AMZ1: variants seen among roughly 807,000 people sequenced by gnomAD.
AMZ1 encodes the protein archaemetzincin-1.
Under a neutral mutation model 29.9 loss-of-function variants are expected in AMZ1, and 39 were observed. The observed-to-expected ratio is 1.30, with a 90% CI of 1.01 to 1.70. The LOEUF (loss-of-function observed/expected upper bound fraction) is 1.70. Among genes scored for constraint, AMZ1 ranks in the 40% most tolerant of loss-of-function variants. The pLI, the probability that AMZ1 is intolerant of heterozygous loss-of-function variation, is 0.00. For missense variants in AMZ1, 1,041 were observed against 680.6 expected, an observed-to-expected ratio of 1.53 and a Z score of -5.89; for synonymous variants, 458 against 304.0, an observed-to-expected ratio of 1.51 and a Z score of -5.27.
chr7:2,709,891 C>T (rs1005566246), intron 6 of AMZ1, 75 bp downstream of exon 6: 27 of 1,567,206 alleles, frequency 1.7e-5, no homozygotes, highest in East Asian at 1.2e-4. Context: ...CTGGAGGCTA[C>T]GCAGGGCATG....
chr7:2,761,941 T>A (rs549843313), upstream of AMZ1, among the ~76,000 whole-genome samples: 257 of 152,162 alleles, frequency 1.7e-3, 1 homozygote, highest in Non-Finnish European at 3.0e-3. Flanking sequence ...AAGGGAAAAA[T>A]GTGGAGTGTC....
chr7:2,724,684 T>C (rs1002984789), intron 4 of AMZ1, among the ~76,000 whole-genome samples: 3 of 152,084 alleles, frequency 2.0e-5, no homozygotes, highest in Non-Finnish European at 4.4e-5. Context: ...AGGGAGAAAA[T>C]AACCTCCTTG....
At chr7:2,690,559 C>A (rs575968599) in intron 1 of AMZ1, among the ~76,000 whole-genome samples, 19 of 152,206 alleles carry the variant, frequency 1.2e-4, no homozygotes, top group South Asian at 4.2e-4. Flanking sequence ...CCTTCCCGGG[C>A]GGCTCAGGTT....
chr7:2,686,760 G>C (rs1380623424), upstream of AMZ1, among the ~76,000 whole-genome samples: 1 of 151,784 alleles, frequency 6.6e-6, no homozygotes. Flanking sequence ...TGTCACCCAG[G>C]CTGGAGTGCA....
intron 5 of AMZ1, 120 bp downstream of exon 5, chr7:2,709,364 G>A (rs767724087): frequency 6.9e-5 from 80 of 1,159,294 alleles, no homozygotes; most frequent in Non-Finnish European, 9.2e-5. Flanking sequence ...CTAACTCTAT[G>A]GAATGAGGAA....
In AMZ1 at chr7:2,719,291, G is replaced by A. The variant is rs891063871; in HGVS notation, c.*6413G>A. Among the ~76,000 whole-genome samples the A allele has an allele frequency of 1.3e-5, 2 of 152,226 alleles. No homozygotes were observed. The highest frequency in any genetic ancestry group is 2.9e-5 in the Non-Finnish European group (2 of 68,046). ...CACCACTTGGAGGCAGTTGTTTCAC[G>A]TGGGGCTCTTGATGGCATAACCTGA... On this transcript the variant is annotated 3_prime_UTR_variant, in exon 7 of 7. Transcript: ENST00000683327.
chr7:2,721,994 C>A (rs1420516964), downstream of AMZ1, among the ~76,000 whole-genome samples: 1 of 152,218 alleles, frequency 6.6e-6, no homozygotes, highest in African/African-American at 2.4e-5. Flanking sequence ...GTGGTGCTGG[C>A]GCTGTAGCGA....
At chr7:2,703,775 G>A (rs1219770644) in intron 3 of AMZ1, among the ~76,000 whole-genome samples, 1 of 152,206 alleles carries the variant, frequency 6.6e-6, no homozygotes, top group Non-Finnish European at 1.5e-5. Context: ...CCAACTGAAT[G>A]TATATTAATC....
chr7:2,741,724 T>A (rs1790515117), intron 4 of AMZ1, among the ~76,000 whole-genome samples: 1 of 152,032 alleles, frequency 6.6e-6, no homozygotes, highest in Non-Finnish European at 1.5e-5. Flanking sequence ...CGTCATCATT[T>A]GAGAGCAAGT....
intron 4 of AMZ1, among the ~76,000 whole-genome samples, chr7:2,756,997 T>C (rs1239802218): frequency 6.6e-6 from 1 of 151,960 alleles, no homozygotes; most frequent in Non-Finnish European, 1.5e-5. Context: ...TCTCTTGAGC[T>C]GGGGAGTTCG....
chr7:2,763,586 AAAC>A (rs1296766693), upstream of AMZ1, among the ~76,000 whole-genome samples: 10 of 152,254 alleles, frequency 6.6e-5, no homozygotes, highest in Admixed American at 2.0e-4. Context: ...TCGAAACAAA[AAAC>A]AATTATTTTA....
At chr7:2,703,797 C>G (rs1788196278) in intron 3 of AMZ1, among the ~76,000 whole-genome samples, 2 of 152,214 alleles carry the variant, frequency 1.3e-5, no homozygotes, top group Admixed American at 1.3e-4. Context: ...ATCTTACTCT[C>G]TTCTCTATAA....
Position 2,712,951 on chromosome 7 carries a change from C to G in AMZ1, c.*73C>G, listed in dbSNP as rs1041496606. The G allele has an allele frequency of 1.3e-5, 19 of 1,420,186 alleles. No individual in the cohort carries two copies. In the East Asian group the frequency reaches 4.9e-4, roughly 37 times the overall value. The allele number at this position is 1,420,186 out of a possible 1,614,324, so 88.0% of individuals were successfully genotyped here. A position where few individuals can be genotyped will look rare whatever the true frequency, so the allele number is the denominator to read the frequency against. The stretch of plus-strand genomic sequence containing the variant: ...CACTGTCCAGTAGCTGAGGCCACTA[C>G]TGACCTGCCAGGGATAAAGAGGAAG... On this transcript the variant is annotated 3_prime_UTR_variant, in exon 7 of 7. Transcript: ENST00000683327.
intron 4 of AMZ1, among the ~76,000 whole-genome samples, chr7:2,736,892 C>A (rs185013921): frequency 6.6e-6 from 1 of 152,212 alleles, no homozygotes; most frequent in South Asian, 2.1e-4. Context: ...TTTAGGACCA[C>A]GAGAAAAGAG....
intron 3 of AMZ1, among the ~76,000 whole-genome samples, chr7:2,704,178 T>G (rs1322080433): frequency 6.6e-6 from 1 of 152,188 alleles, no homozygotes; most frequent in Non-Finnish European, 1.5e-5. Context: ...CGTGAGCCAC[T>G]GTGCCTGGCC....
At chr7:2,720,714 AATT>A (rs1789384639), downstream of AMZ1, among the ~76,000 whole-genome samples, 4 of 151,608 alleles carry the variant, frequency 2.6e-5, no homozygotes, top group South Asian at 4.2e-4. Flanking sequence ...AAAAAAAAAA[AATT>A]ATTTTAGATA....
At chr7:2,704,518 T>C (rs923545492) in intron 3 of AMZ1, among the ~76,000 whole-genome samples, 1 of 150,740 alleles carries the variant, frequency 6.6e-6, no homozygotes, top group African/African-American at 2.4e-5. Flanking sequence ...ATTGTGTTCC[T>C]AATTTCAGTT....
In AMZ1 at chr7:2,717,091, C is replaced by G. The variant is rs1266079656; in HGVS notation, c.*4213C>G. 6.6e-6 allele frequency among the ~76,000 whole-genome samples: 1 copy of G among 152,226 alleles called. No individual in the cohort carries two copies. Among genetic ancestry groups the G allele is most frequent in the Non-Finnish European group, 1.5e-5 (1 of 68,046 alleles). ...ACACCGGCACCCACGCCCCTCGGTTCTGATAACCAGGAGGCTTTCTGGCCC... is the reference window on the plus strand; with the variant it reads ...ACACCGGCACCCACGCCCCTCGGTTGTGATAACCAGGAGGCTTTCTGGCCC... On this transcript the variant is annotated 3_prime_UTR_variant, in exon 7 of 7. Coordinates refer to ENST00000683327, the MANE Select transcript of AMZ1 (RefSeq NM_001384743.1).
upstream of AMZ1, among the ~76,000 whole-genome samples, chr7:2,686,022 G>C (rs1414268020): frequency 6.6e-6 from 1 of 152,234 alleles, no homozygotes; most frequent in Non-Finnish European, 1.5e-5. Flanking sequence ...AGGGGGACCA[G>C]ATACCTGTAC....
Sources: allele counts gnomAD v4.1 joint callset (sites outside exome capture counted in the v4.1 genomes callset), GRCh38; gene constraint gnomAD v4.1.1; transcripts MANE v1.5; gene names NCBI Gene and HGNC (gene_info 2026-07-23, HGNC 2026-07-21).